The following ASIC2 variants were observed in gnomAD, a reference collection of about 807,000 sequenced individuals.
ASIC2 encodes acid sensing ion channel subunit 2.
A neutral mutation model predicts 57.3 loss-of-function variants in ASIC2; 25 were observed. The observed-to-expected ratio is 0.44, with a 90% CI of 0.32 to 0.61. The LOEUF (loss-of-function observed/expected upper bound fraction) is 0.61, where lower values mean the gene tolerates loss of function less well. Among genes scored for constraint, ASIC2 ranks in the 20% least tolerant of loss-of-function variants. The probability of loss-of-function intolerance (pLI) is 0.06; values close to 1 mark genes in which losing one functional copy is unlikely to be tolerated. For synonymous variants in ASIC2, 319 were observed against 307.5 expected (o/e 1.04, Z -0.39); for missense variants, 641 against 738.1 (o/e 0.87, Z 1.52).
At chr17:34,127,151 G>A (rs1242559586) in intron 1 of ASIC2, among the ~76,000 whole-genome samples, 3 of 152,214 alleles carry the variant, frequency 2.0e-5, no homozygotes, top group Non-Finnish European at 2.9e-5. Context: ...GAGGGGGTTT[G>A]TTTTTCGTTA....
chr17:33,789,711 G>C (rs1330913175), intron 1 of ASIC2, among the ~76,000 whole-genome samples: 1 of 152,068 alleles, frequency 6.6e-6, no homozygotes. Context: ...GAGAAGTCTT[G>C]GCATCTGGCT....
chr17:33,272,822 A>T (rs1426545831), intron 1 of ASIC2, among the ~76,000 whole-genome samples: 1 of 152,220 alleles, frequency 6.6e-6, no homozygotes, highest in Non-Finnish European at 1.5e-5. Context: ...CCAGTGAGGG[A>T]GGTTTGTCAC....
chr17:33,329,842 C>A (rs1907236425), intron 1 of ASIC2, among the ~76,000 whole-genome samples: 1 of 152,074 alleles, frequency 6.6e-6, no homozygotes, highest in African/African-American at 2.4e-5. Flanking sequence ...AGAACTATAC[C>A]CAGGTAGGTC....
intron 1 of ASIC2, among the ~76,000 whole-genome samples, chr17:33,406,175 A>G (rs545244422): frequency 6.6e-6 from 1 of 152,326 alleles, no homozygotes; most frequent in East Asian, 1.9e-4. Flanking sequence ...CTGTGTCATA[A>G]AATCTGTGAG....
chr17:33,666,403 C>G (rs1008274811), intron 1 of ASIC2, among the ~76,000 whole-genome samples: 1 of 152,080 alleles, frequency 6.6e-6, no homozygotes, highest in African/African-American at 2.4e-5. Flanking sequence ...TGCAGCGGGC[C>G]GAGCACCAAA....
chr17:33,914,221 C>T (rs901541662), intron 1 of ASIC2, among the ~76,000 whole-genome samples: 2 of 152,164 alleles, frequency 1.3e-5, no homozygotes, highest in African/African-American at 4.8e-5. Context: ...CCATTGTGGG[C>T]TGGGCAGGTG....
At chr17:34,021,759 A>G (rs188039088) in intron 1 of ASIC2, among the ~76,000 whole-genome samples, 1 of 152,036 alleles carries the variant, frequency 6.6e-6, no homozygotes, top group East Asian at 1.9e-4. Flanking sequence ...GCCCAGACCC[A>G]GTCTCAGAAA....
At chr17:33,516,740 A>G (rs1176632207) in intron 1 of ASIC2, among the ~76,000 whole-genome samples, 1 of 152,118 alleles carries the variant, frequency 6.6e-6, no homozygotes, top group Non-Finnish European at 1.5e-5. Flanking sequence ...CTGGCTTAGT[A>G]CTCAGTGCCT....
At chr17:33,383,462 G>C (rs914832962) in intron 1 of ASIC2, among the ~76,000 whole-genome samples, 2 of 152,170 alleles carry the variant, frequency 1.3e-5, no homozygotes, top group African/African-American at 2.4e-5. Flanking sequence ...CCAAGAAATG[G>C]ATACGCAGAA....
chr17:33,221,182 T>G (rs906944690), intron 1 of ASIC2, among the ~76,000 whole-genome samples: 1 of 152,202 alleles, frequency 6.6e-6, no homozygotes, highest in African/African-American at 2.4e-5. Context: ...CTGGCTCTGT[T>G]GTAAATCCAA....
At chr17:33,438,731 G>A (rs1027974791) in intron 1 of ASIC2, among the ~76,000 whole-genome samples, 1 of 151,904 alleles carries the variant, frequency 6.6e-6, no homozygotes, top group Non-Finnish European at 1.5e-5. Context: ...CATTTTCCCA[G>A]GCTCCTTTGT....
At chr17:33,994,020 C>T (rs1291436384) in intron 1 of ASIC2, among the ~76,000 whole-genome samples, 2 of 152,102 alleles carry the variant, frequency 1.3e-5, no homozygotes, top group Admixed American at 6.6e-5. Context: ...TGTGTATCTC[C>T]AGAGCCCAGA....
At chr17:33,061,162 T>C (rs2092018994) in intron 3 of ASIC2, among the ~76,000 whole-genome samples, 3 of 152,142 alleles carry the variant, frequency 2.0e-5, no homozygotes, top group South Asian at 2.1e-4. Flanking sequence ...TTTCTTTATC[T>C]TGCCTGATTG....
At chr17:33,989,533 T>A (rs62056815) in intron 1 of ASIC2, among the ~76,000 whole-genome samples, 2 of 152,172 alleles carry the variant, frequency 1.3e-5, no homozygotes, top group African/African-American at 4.8e-5. Context: ...TATACTCTTT[T>A]GTGGTAGGCA....
rs189279730 is a variant in ASIC2, at chr17:33,314,491, C to T, written c.556-202424G>A. 1.7e-3 allele frequency among the ~76,000 whole-genome samples: 260 copies of T among 152,258 alleles called. 1 individual carries two copies. Among genetic ancestry groups the T allele is most frequent in the African/African-American group, 6.1e-3 (255 of 41,548 alleles). On this transcript the variant is annotated intron_variant, in intron 1 of 9. Transcript: ENST00000359872. ...GACAGGGAGAAAGTGAGATGTACAT[C>T]ACTGTGCAGAAGAATTCCTAGTACT...
intron 1 of ASIC2, among the ~76,000 whole-genome samples, chr17:33,467,130 A>T (rs995760814): frequency 6.6e-6 from 1 of 152,214 alleles, no homozygotes; most frequent in African/African-American, 2.4e-5. Flanking sequence ...TAGTAGATAC[A>T]GGGTTTTGCC....
chr17:33,678,342 A>C (rs1442815890), intron 1 of ASIC2, among the ~76,000 whole-genome samples: 1 of 151,886 alleles, frequency 6.6e-6, no homozygotes, highest in Non-Finnish European at 1.5e-5. Flanking sequence ...AATTTGCAAT[A>C]TCTCTGAATT....
intron 1 of ASIC2, among the ~76,000 whole-genome samples, chr17:34,068,440 C>T (rs1909255928): frequency 6.6e-6 from 1 of 152,184 alleles, no homozygotes; most frequent in African/African-American, 2.4e-5. Context: ...AGCTATTATA[C>T]CTTCCAACAG....
intron 1 of ASIC2, among the ~76,000 whole-genome samples, chr17:33,169,847 T>A (rs886601875): frequency 1.3e-5 from 2 of 152,280 alleles, no homozygotes; most frequent in South Asian, 2.1e-4. Context: ...CACGGCTACC[T>A]CTGGTAGCTC....
Sources: allele counts gnomAD v4.1 joint callset (sites outside exome capture counted in the v4.1 genomes callset), GRCh38; gene constraint gnomAD v4.1.1; transcripts MANE v1.5; gene names NCBI Gene and HGNC (gene_info 2026-07-23, HGNC 2026-07-21).